ADARB2: variants seen among roughly 807,000 people sequenced by gnomAD.
ADARB2 encodes the protein inactive double-stranded RNA-specific editase B2.
Under a neutral mutation model 62.2 loss-of-function variants are expected in ADARB2, and 25 were observed. The observed-to-expected ratio is 0.40, with a 90% CI of 0.29 to 0.56. The LOEUF (loss-of-function observed/expected upper bound fraction) is 0.56, where lower values mean the gene tolerates loss of function less well. Ranked by LOEUF, ADARB2 falls within the 20% of genes least tolerant of loss-of-function variation. The pLI, the probability that ADARB2 is intolerant of heterozygous loss-of-function variation, is 0.43. For synonymous variants in ADARB2, 572 were observed against 500.8 expected, an observed-to-expected ratio of 1.14 and a Z score of -1.90; for missense variants, 1,071 against 1,077.4, an observed-to-expected ratio of 0.99 and a Z score of 0.08.
chr10:1,308,186 C>T (rs1259936246), intron 3 of ADARB2, among the ~76,000 whole-genome samples: 1 of 152,206 alleles, frequency 6.6e-6, no homozygotes, highest in Non-Finnish European at 1.5e-5. Context: ...CCTCCTTCCT[C>T]CAGCTCCTGG....
At chr10:1,533,225 T>C (rs961403266) in intron 1 of ADARB2, among the ~76,000 whole-genome samples, 1 of 151,154 alleles carries the variant, frequency 6.6e-6, no homozygotes, top group African/African-American at 2.4e-5. Context: ...TTCGAGCGAT[T>C]CTCCTGACTC....
At chr10:1,361,829 A>G (rs1654934781) in intron 3 of ADARB2, among the ~76,000 whole-genome samples, 1 of 152,238 alleles carries the variant, frequency 6.6e-6, no homozygotes, top group Non-Finnish European at 1.5e-5. Context: ...TCACAGCCAT[A>G]ACTTACAATT....
At chr10:1,718,914 G>A (rs1378975567) in intron 1 of ADARB2, among the ~76,000 whole-genome samples, 1 of 152,170 alleles carries the variant, frequency 6.6e-6, no homozygotes, top group Non-Finnish European at 1.5e-5. Context: ...GATTGTAGTG[G>A]TCAGATTTTC....
chr10:1,405,567 G>A (rs1285117027), intron 1 of ADARB2, among the ~76,000 whole-genome samples: 2 of 145,972 alleles, frequency 1.4e-5, no homozygotes, highest in African/African-American at 5.0e-5. Flanking sequence ...GAGGCAGAGA[G>A]GTTGCAGTGA....
intron 3 of ADARB2, among the ~76,000 whole-genome samples, chr10:1,305,128 G>A (rs1831613774): frequency 7.0e-6 from 1 of 142,558 alleles, no homozygotes; most frequent in South Asian, 2.6e-4. Context: ...TTTTTTGAAA[G>A]GATCAACAAA....
At chr10:1,431,858 G>A (rs1485424563) in intron 1 of ADARB2, among the ~76,000 whole-genome samples, 1 of 152,094 alleles carries the variant, frequency 6.6e-6, no homozygotes, top group Admixed American at 6.6e-5. Flanking sequence ...TAGAAGAAAT[G>A]GCTTGTAGAA....
At chr10:1,533,019 C>T (rs1414482114) in intron 1 of ADARB2, among the ~76,000 whole-genome samples, 3 of 152,156 alleles carry the variant, frequency 2.0e-5, no homozygotes, top group Non-Finnish European at 4.4e-5. Context: ...AGGGTAGGGG[C>T]CGGCCTCCAC....
At chr10:1,707,452 G>T (rs181908778) in intron 1 of ADARB2, among the ~76,000 whole-genome samples, 326 of 152,346 alleles carry the variant, frequency 2.1e-3, no homozygotes, top group African/African-American at 7.6e-3. Flanking sequence ...TCACAAGCAG[G>T]CATTTTCTCC....
rs138595986 is a variant in ADARB2 at position 1,587,903 on chromosome 10, A to G, written c.100+149148T>C. 3.4e-3 allele frequency among the ~76,000 whole-genome samples: 510 copies of G among 152,172 alleles called. 2 individuals are homozygous for G. The highest frequency in any genetic ancestry group is 0.01 in the African/African-American group (418 of 41,542). The stretch of plus-strand genomic sequence containing the variant: ...CTCTCATTCTCTCTTGACTGCCGCC[A>G]TGTAAGATGTGCCTTTCATCCTCTG... On this transcript the variant is annotated intron_variant, in intron 1 of 9. Coordinates refer to ENST00000381312, the MANE Select transcript of ADARB2 (RefSeq NM_018702.4).
chr10:1,496,376 G>A (rs955588269), intron 1 of ADARB2, among the ~76,000 whole-genome samples: 5 of 150,046 alleles, frequency 3.3e-5, no homozygotes, highest in African/African-American at 4.9e-5. Context: ...CACCATCATC[G>A]TCATCATCAC....
At chr10:1,379,216 A>G in intron 1 of ADARB2, 56 bp from the exon 2 acceptor site, 2 of 1,400,524 alleles carry the variant, frequency 1.4e-6, no homozygotes, top group Non-Finnish European at 2.0e-6. Context: ...GAAAAACTCA[A>G]TGCTTTTATA....
intron 4 of ADARB2, among the ~76,000 whole-genome samples, chr10:1,258,519 T>C (rs376468067): frequency 4.1e-4 from 62 of 152,114 alleles, no homozygotes; most frequent in African/African-American, 1.3e-3. Context: ...AATAAAACAG[T>C]CTTTAAACCA....
chr10:1,518,196 C>G lies in ADARB2; in HGVS notation c.101-139036G>C, dbSNP rs189297411. On this transcript the variant is annotated intron_variant, in intron 1 of 9. Transcript: ENST00000381312. The stretch of plus-strand genomic sequence containing the variant: ...TCAGATCAGAAGATACTGTGTTGGC[C>G]GCATGAGCTTCGGTCTCAGCCCTCT... Among the ~76,000 whole-genome samples, 264 of 152,278 alleles carry G rather than the reference C, an allele frequency of 1.7e-3. 1 individual carries two copies. The highest frequency in any genetic ancestry group is 3.1e-3 in the Admixed American group (47 of 15,302).
At chr10:1,411,648 G>A (rs757077607) in intron 1 of ADARB2, among the ~76,000 whole-genome samples, 18 of 152,170 alleles carry the variant, frequency 1.2e-4, no homozygotes, top group Non-Finnish European at 2.1e-4. Flanking sequence ...GAGTGGACAC[G>A]TTGCAGCAAC....
At chr10:1,533,327 A>T (rs1832274774) in intron 1 of ADARB2, among the ~76,000 whole-genome samples, 1 of 147,636 alleles carries the variant, frequency 6.8e-6, no homozygotes, top group African/African-American at 2.5e-5. Flanking sequence ...ATGGGGTTTC[A>T]CTATGTTGGC....
intron 1 of ADARB2, among the ~76,000 whole-genome samples, chr10:1,420,180 A>G (rs1832840170): frequency 6.6e-6 from 1 of 152,242 alleles, no homozygotes; most frequent in African/African-American, 2.4e-5. Flanking sequence ...CTAGCAGGAA[A>G]TATTTAAAGT....
chr10:1,499,434 A>G (rs532899842), intron 1 of ADARB2, among the ~76,000 whole-genome samples: 1 of 151,804 alleles, frequency 6.6e-6, no homozygotes, highest in African/African-American at 2.4e-5. Context: ...TCTATTACTT[A>G]TTACTCACTA....
intron 1 of ADARB2, among the ~76,000 whole-genome samples, chr10:1,596,712 G>A (rs189670048): frequency 2.0e-5 from 3 of 152,310 alleles, no homozygotes; most frequent in Admixed American, 6.5e-5. Context: ...CATGAGCCCC[G>A]GGACACAGAG....
intron 1 of ADARB2, among the ~76,000 whole-genome samples, chr10:1,668,822 CA>C (rs541918226): frequency 6.2e-4 from 94 of 152,354 alleles, no homozygotes; most frequent in Non-Finnish European, 1.1e-3. Context: ...CTAAATAAAA[CA>C]GTCCTCCCGT....
Sources: gnomAD v4.1 joint callset for allele counts (sites outside exome capture counted in the v4.1 genomes callset) on GRCh38, gnomAD v4.1.1 for gene constraint, MANE v1.5 for transcripts, NCBI Gene and HGNC (gene_info 2026-07-23, HGNC 2026-07-21) for gene names.